The following SLC4A10 variants were observed in gnomAD, a reference collection of about 807,000 sequenced individuals.
SLC4A10 encodes the protein sodium-driven chloride bicarbonate exchanger.
In SLC4A10, 42 loss-of-function variants were observed where a neutral mutation model predicts 137.7. The ratio of observed to expected loss-of-function variants is 0.30; its 90% CI spans 0.24 to 0.39. The LOEUF (loss-of-function observed/expected upper bound fraction) is 0.39. Among genes scored for constraint, SLC4A10 ranks in the 10% least tolerant of loss-of-function variants. The pLI is 1.00. For missense variants in SLC4A10, 925 were observed against 1,355.0 expected (o/e 0.68, Z 4.98); for synonymous variants, 474 against 464.1 (o/e 1.02, Z -0.27).
At chr2:161,774,955 G>A (rs2052133531) in intron 2 of SLC4A10, among the ~76,000 whole-genome samples, 1 of 151,902 alleles carries the variant, frequency 6.6e-6, no homozygotes, top group South Asian at 2.1e-4. Context: ...GTTGGCAGGA[G>A]CACCACATTG....
chr2:161,795,969 T>C (rs1167955241), intron 2 of SLC4A10, among the ~76,000 whole-genome samples: 2 of 152,130 alleles, frequency 1.3e-5, no homozygotes, highest in African/African-American at 4.8e-5. Flanking sequence ...TGCAGGTTCT[T>C]ATACATAATT....
intron 3 of SLC4A10, among the ~76,000 whole-genome samples, chr2:161,819,597 C>T (rs149145799): frequency 0.028 from 4,308 of 151,836 alleles, 184 homozygotes; most frequent in African/African-American, 0.098. Flanking sequence ...CTGGTTCAAG[C>T]GATTCTCCTG....
intron 1 of SLC4A10, among the ~76,000 whole-genome samples, chr2:161,725,234 T>C (rs1258668558): frequency 1.8e-4 from 27 of 152,178 alleles, no homozygotes. Flanking sequence ...ATTACCTTTG[T>C]AGTATGGCAC....
chr2:161,833,812 G>A (rs1177435601), intron 3 of SLC4A10, among the ~76,000 whole-genome samples: 2 of 151,990 alleles, frequency 1.3e-5, no homozygotes, highest in Admixed American at 6.5e-5. Context: ...ATCATCCATC[G>A]GCATCTGGTA....
chr2:161,760,356 A>G (rs1574819907), intron 1 of SLC4A10, among the ~76,000 whole-genome samples: 1 of 152,040 alleles, frequency 6.6e-6, no homozygotes. Context: ...GGAATTTGCA[A>G]TTTTAAGAAT....
chr2:161,655,502 T>G (rs558963503), intron 1 of SLC4A10, among the ~76,000 whole-genome samples: 1 of 152,332 alleles, frequency 6.6e-6, no homozygotes, highest in Non-Finnish European at 1.5e-5. Flanking sequence ...GAGCTTTTTA[T>G]ACATGGCCTT....
intron 1 of SLC4A10, among the ~76,000 whole-genome samples, chr2:161,650,372 G>A (rs1447981339): frequency 2.0e-5 from 3 of 152,246 alleles, no homozygotes; most frequent in East Asian, 1.9e-4. Flanking sequence ...GCAGTGGCCC[G>A]TCTGGAGAAG....
At chr2:161,875,246 T>C (rs2125936944) in intron 8 of SLC4A10, among the ~76,000 whole-genome samples, 1 of 152,288 alleles carries the variant, frequency 6.6e-6, no homozygotes, top group Non-Finnish European at 1.5e-5. Context: ...CATGAGTTGA[T>C]ATTTTTTAGC....
chr2:161,945,554 G>C (rs956449933), intron 16 of SLC4A10, among the ~76,000 whole-genome samples: 3 of 151,362 alleles, frequency 2.0e-5, no homozygotes, highest in African/African-American at 7.3e-5. Context: ...ATTTGGATTT[G>C]GTTTTCATTT....
At chr2:161,819,694 C>A (rs2057447499) in intron 3 of SLC4A10, among the ~76,000 whole-genome samples, 2 of 152,128 alleles carry the variant, frequency 1.3e-5, no homozygotes, top group Admixed American at 6.5e-5. Context: ...CGGGGTTTCA[C>A]CATGTTGGCC....
intron 3 of SLC4A10, among the ~76,000 whole-genome samples, chr2:161,821,914 GT>G (rs1383738437): frequency 1.3e-5 from 2 of 152,070 alleles, no homozygotes; most frequent in Non-Finnish European, 2.9e-5. Flanking sequence ...GGAACCATAC[GT>G]TATCTTGAAT....
intron 19 of SLC4A10, among the ~76,000 whole-genome samples, chr2:161,955,590 T>C (rs1695514083): frequency 6.6e-6 from 1 of 152,158 alleles, no homozygotes; most frequent in African/African-American, 2.4e-5. Flanking sequence ...CACTATCATC[T>C]CTTGCACTTT....
chr2:161,763,406 A>G (rs957871309), intron 1 of SLC4A10, among the ~76,000 whole-genome samples: 1 of 152,138 alleles, frequency 6.6e-6, no homozygotes, highest in Non-Finnish European at 1.5e-5. Context: ...AAGTTTAATG[A>G]ACGGACTATT....
In SLC4A10 at chr2:161,894,738, T is replaced by C. The variant is rs746169622; in HGVS notation, c.1254T>C (p.Asp418=). 4 of 1,448,182 alleles carry C rather than the reference T, an allele frequency of 2.8e-6. No homozygotes were observed. In the East Asian group the frequency reaches 1.1e-4, roughly 39 times the overall value. The allele number at this position is 1,448,182 out of a possible 1,614,324, so 89.7% of individuals were successfully genotyped here. The change falls in exon 11 of 27, where the codon GAT becomes GAC. Residue 418 remains aspartate (D), a synonymous_variant. Coordinates refer to ENST00000446997, the MANE Select transcript of SLC4A10 (RefSeq NM_001178015.2). ...GTAATGACTTGGTATCAGGAATTGATGAGTTTCTGGATCAGGTTACTGTTC... is the reference window on the plus strand; with the variant it reads ...GTAATGACTTGGTATCAGGAATTGACGAGTTTCTGGATCAGGTTACTGTTC... ...KDRNDLVSGI[D]EFLDQVTVLP... is the part of the protein sequence containing the mutation.
chr2:161,690,890 C>G (rs1308129078), intron 1 of SLC4A10, among the ~76,000 whole-genome samples: 1 of 151,892 alleles, frequency 6.6e-6, no homozygotes, highest in Non-Finnish European at 1.5e-5. Flanking sequence ...ACCTTGGCAC[C>G]CATTTACCTG....
intron 1 of SLC4A10, among the ~76,000 whole-genome samples, chr2:161,682,201 C>T (rs1440272922): frequency 2.6e-5 from 4 of 152,046 alleles, no homozygotes; most frequent in Non-Finnish European, 4.4e-5. Flanking sequence ...ATCCCCCTCT[C>T]GAATTTTAAC....
chr2:161,640,016 T>G (rs2035050329), intron 1 of SLC4A10, among the ~76,000 whole-genome samples: 1 of 152,200 alleles, frequency 6.6e-6, no homozygotes, highest in South Asian at 2.1e-4. Flanking sequence ...AGCAATTCCA[T>G]TTATAATAGC....
At chr2:161,940,011 C>T (rs1692376315) in intron 15 of SLC4A10, among the ~76,000 whole-genome samples, 1 of 152,074 alleles carries the variant, frequency 6.6e-6, no homozygotes, top group African/African-American at 2.4e-5. Flanking sequence ...AGACCCTCTC[C>T]CCAGTGAAAC....
intron 4 of SLC4A10, among the ~76,000 whole-genome samples, chr2:161,845,673 C>A (rs1001557336): frequency 6.6e-6 from 1 of 151,840 alleles, no homozygotes; most frequent in African/African-American, 2.4e-5. Context: ...AAGAAATAGA[C>A]CAGCACAAGT....
Sources: allele counts gnomAD v4.1 joint callset (sites outside exome capture counted in the v4.1 genomes callset), GRCh38; gene constraint gnomAD v4.1.1; transcripts MANE v1.5; gene names NCBI Gene and HGNC (gene_info 2026-07-23, HGNC 2026-07-21).